The following ITPRID1 variants were observed in gnomAD, a reference collection of about 807,000 sequenced individuals.
ITPRID1 encodes ITPR interacting domain containing 1, also known as protein ITPRID1.
Under a neutral mutation model 95.4 loss-of-function variants are expected in ITPRID1, and 96 were observed. The observed-to-expected ratio is 1.01, with a 90% confidence interval of 0.85 to 1.19. The LOEUF is 1.19. Among genes scored for constraint, ITPRID1 ranks in the 50% most tolerant of loss-of-function variants. ITPRID1 has a pLI of 0.00. For synonymous variants in ITPRID1, 510 were observed against 453.6 expected (o/e 1.12, Z -1.58); for missense variants, 1,339 against 1,252.9 (o/e 1.07, Z -1.04).
intron 10 of ITPRID1, among the ~76,000 whole-genome samples, chr7:31,614,590 C>G (rs1272555481): frequency 6.6e-6 from 1 of 152,140 alleles, no homozygotes; most frequent in Non-Finnish European, 1.5e-5. Context: ...ATCCTTAGAA[C>G]AGTTCCTGGT....
intron 10 of ITPRID1, among the ~76,000 whole-genome samples, chr7:31,641,646 T>C (rs1019613267): frequency 3.9e-5 from 6 of 152,192 alleles, no homozygotes; most frequent in African/African-American, 1.4e-4. Context: ...CTTTGCCCTT[T>C]CTCTGCATGT....
At chr7:31,536,111 C>T (rs915382474) in intron 1 of ITPRID1, among the ~76,000 whole-genome samples, 11 of 152,020 alleles carry the variant, frequency 7.2e-5, no homozygotes, top group Admixed American at 5.9e-4. Flanking sequence ...AAAATACGGA[C>T]GATCACTTGG....
In ITPRID1 at chr7:31,652,881, T is replaced by C; in HGVS notation, c.*52T>C. 1.3e-6 allele frequency: 2 copies of C among 1,565,228 alleles called. No individual in the cohort carries two copies. Among genetic ancestry groups the C allele is most frequent in the Middle Eastern group, 1.7e-4 (1 of 5,780 alleles). ...ACAAAATATAAAGGCCCAGAACAGA[T>C]GTAGCAAGGAAATTTCAATTTTCCC... On this transcript the variant is annotated 3_prime_UTR_variant, in exon 15 of 15. Coordinates refer to ENST00000615280, the MANE Select transcript of ITPRID1 (RefSeq NM_001257967.3).
At chr7:31,516,913 T>G (rs1046558244) in intron 1 of ITPRID1, among the ~76,000 whole-genome samples, 19 of 152,188 alleles carry the variant, frequency 1.2e-4, no homozygotes, top group African/African-American at 3.9e-4. Flanking sequence ...CCAGAGTTTG[T>G]CCCTTCTGAC....
rs1791247171 is a variant in ITPRID1 at position 31,655,329 on chromosome 7, G to C, written c.*2500G>C. ...GTCAGTCAATGACCACACCAATGCTGAGTCTACTGCCACAAAATACCTCCC... is the reference window on the plus strand; with the variant it reads ...GTCAGTCAATGACCACACCAATGCTCAGTCTACTGCCACAAAATACCTCCC... On this transcript the variant is annotated 3_prime_UTR_variant, in exon 15 of 15. Coordinates refer to ENST00000615280, the MANE Select transcript of ITPRID1 (RefSeq NM_001257967.3). Among the ~76,000 whole-genome samples the C allele has an allele frequency of 6.6e-6, 1 of 152,072 alleles. No individual in the cohort carries two copies. The highest frequency in any genetic ancestry group is 2.4e-5 in the African/African-American group (1 of 41,414).
intron 10 of ITPRID1, among the ~76,000 whole-genome samples, chr7:31,597,343 CAAGAT>C (rs1786129952): frequency 6.6e-6 from 1 of 151,884 alleles, no homozygotes; most frequent in South Asian, 2.1e-4. Context: ...CTTTTGCAGA[CAAGAT>C]AACTGTCTAC....
At chr7:31,577,271 A>C (rs1300188158) in intron 8 of ITPRID1, among the ~76,000 whole-genome samples, 1 of 152,246 alleles carries the variant, frequency 6.6e-6, no homozygotes, top group African/African-American at 2.4e-5. Flanking sequence ...ACATGAAAAT[A>C]CTGGCCATTT....
chr7:31,584,802 T>C (rs1348599516), intron 10 of ITPRID1, among the ~76,000 whole-genome samples: 1 of 152,260 alleles, frequency 6.6e-6, no homozygotes, highest in Non-Finnish European at 1.5e-5. Flanking sequence ...CTTTGAGATA[T>C]GTATACATGC....
intron 10 of ITPRID1, among the ~76,000 whole-genome samples, chr7:31,630,870 T>C (rs1413012539): frequency 2.6e-5 from 4 of 152,012 alleles, no homozygotes; most frequent in African/African-American, 4.8e-5. Context: ...TACAACATTA[T>C]TAGATAGTGC....
rs1583491594 is a variant in ITPRID1 at position 31,554,883 on chromosome 7, C to CAAGTCATTGACTTGTTGACCGCACTGGT, written c.249_250insTTGTTGACCGCACTGGTAAGTCATTGAC (p.Arg84LeufsTer9). 1.7e-5 allele frequency: 27 copies of CAAGTCATTGACTTGTTGACCGCACTGGT among 1,582,846 alleles called. No individual in the cohort carries two copies. In the East Asian group the frequency reaches 5.9e-4, roughly 35 times the overall value. On this transcript the variant is annotated frameshift_variant, in exon 5 of 15. Coordinates refer to ENST00000615280, the MANE Select transcript of ITPRID1 (RefSeq NM_001257967.3). LOFTEE classifies it high-confidence loss of function. The stretch of plus-strand genomic sequence containing the variant: ...TGTCTCTGCAAATGAAAACTTTCAA[C>CAAGTCATTGACTTGTTGACCGCACTGGT]AAGTCATTGACCGCACTGGTAAGAC...
At chr7:31,616,101 C>G (rs1373772598) in intron 10 of ITPRID1, among the ~76,000 whole-genome samples, 5 of 152,096 alleles carry the variant, frequency 3.3e-5, no homozygotes, top group African/African-American at 1.2e-4. Context: ...CTATGCAATG[C>G]TATGACAATG....
At chr7:31,585,973 A>G (rs1362279034) in intron 10 of ITPRID1, among the ~76,000 whole-genome samples, 7 of 143,704 alleles carry the variant, frequency 4.9e-5, no homozygotes, top group Admixed American at 2.8e-4. Context: ...ATATCTCCCG[A>G]TGCTATCCCT....
At chr7:31,593,179 C>T (rs893544484) in intron 10 of ITPRID1, among the ~76,000 whole-genome samples, 6 of 151,994 alleles carry the variant, frequency 3.9e-5, no homozygotes, top group Non-Finnish European at 8.8e-5. Context: ...GTGGTGCATG[C>T]TTGTAATCCC....
chr7:31,519,579 T>TCTCTCG (rs1783153463), intron 1 of ITPRID1, among the ~76,000 whole-genome samples: 1 of 17,876 alleles, frequency 5.6e-5, no homozygotes, highest in African/African-American at 1.5e-4. Flanking sequence ...ATTTCTGGTA[T>TCTCTCG]CTCTCTCTCT....
chr7:31,607,866 A>G (rs1786693702), intron 10 of ITPRID1, among the ~76,000 whole-genome samples: 1 of 151,954 alleles, frequency 6.6e-6, no homozygotes, highest in Non-Finnish European at 1.5e-5. Context: ...TTTATCTTCC[A>G]GCACTTTAAT....
chr7:31,618,955 A>C (rs566829092), intron 10 of ITPRID1, among the ~76,000 whole-genome samples: 8 of 152,332 alleles, frequency 5.3e-5, no homozygotes, highest in African/African-American at 1.9e-4. Flanking sequence ...TAGGTGACTC[A>C]AAGCATTCTA....
chr7:31,525,523 C>G (rs1177636193), intron 1 of ITPRID1, among the ~76,000 whole-genome samples: 1 of 152,166 alleles, frequency 6.6e-6, no homozygotes, highest in Non-Finnish European at 1.5e-5. Context: ...TGTTCTGGAA[C>G]AGGCATAAGC....
chr7:31,647,350 G>A (rs1238294809), intron 12 of ITPRID1, among the ~76,000 whole-genome samples: 1 of 152,150 alleles, frequency 6.6e-6, no homozygotes, highest in Non-Finnish European at 1.5e-5. Flanking sequence ...ATTATAAGCA[G>A]AGATGGACAT....
intron 8 of ITPRID1, among the ~76,000 whole-genome samples, chr7:31,576,734 T>G (rs1466458485): frequency 6.6e-6 from 1 of 152,186 alleles, no homozygotes; most frequent in African/African-American, 2.4e-5. Flanking sequence ...GTCAGGGACG[T>G]TGCTGTGATG....
Sources: allele counts gnomAD v4.1 joint callset (sites outside exome capture counted in the v4.1 genomes callset), GRCh38; gene constraint gnomAD v4.1.1; transcripts MANE v1.5; gene names NCBI Gene and HGNC (gene_info 2026-07-23, HGNC 2026-07-21).